PCYT2: variants seen among roughly 807,000 people sequenced by gnomAD.
The protein encoded by PCYT2 is phosphate cytidylyltransferase 2, ethanolamine.
A neutral mutation model predicts 50.0 loss-of-function variants in PCYT2; 33 were observed. The ratio of observed to expected loss-of-function variants is 0.66; its 90% CI spans 0.50 to 0.88. PCYT2 has a LOEUF of 0.88. Among genes scored for constraint, PCYT2 ranks in the 40% least tolerant of loss-of-function variants. PCYT2 has a pLI of 0.00. For synonymous variants in PCYT2, 240 were observed against 203.7 expected, an observed-to-expected ratio of 1.18 and a Z score of -1.52; for missense variants, 430 against 519.7, an observed-to-expected ratio of 0.83 and a Z score of 1.68.
chr17:81,908,444 G>A (rs866745644), intron 4 of PCYT2, 124 bp downstream of exon 4: 81 of 703,810 alleles, frequency 1.2e-4, no homozygotes, highest in Admixed American at 1.1e-3. Flanking sequence ...AGTCCTGGGC[G>A]TGAGGAACAT....
At chr17:81,908,768 C>G (rs2040419770) in intron 3 of PCYT2, 108 bp downstream of exon 3, 8 of 1,355,052 alleles carry the variant, frequency 5.9e-6, no homozygotes, top group South Asian at 1.2e-5. Context: ...GGAAATGTCT[C>G]AGATCCTCAA....
intron 1 of PCYT2, chr17:81,910,775 T>G: frequency 1.7e-6 from 1 of 571,900 alleles, no homozygotes; most frequent in Non-Finnish European, 2.2e-6. Context: ...CCCGAAACTT[T>G]TCTTAAAACA....
intron 9 of PCYT2, 170 bp downstream of exon 9, chr17:81,905,930 T>C: frequency 1.3e-6 from 1 of 741,938 alleles, no homozygotes; most frequent in Non-Finnish European, 2.3e-6. Context: ...TGACCACCCC[T>C]CCTCATGCCT....
At chr17:81,908,846 A>C (rs764160751) in intron 3 of PCYT2, 30 bp downstream of exon 3, 1 of 1,588,162 alleles carries the variant, frequency 6.3e-7, no homozygotes, top group South Asian at 1.1e-5. Flanking sequence ...TGATGTCCCC[A>C]GGCCCCCAGG....
At chr17:81,907,974 A>T in intron 4 of PCYT2, 117 bp from the exon 5 acceptor site, 1 of 806,572 alleles carries the variant, frequency 1.2e-6, no homozygotes, top group Non-Finnish European at 2.0e-6. Context: ...GGCTGCCCCA[A>T]AGACTGAGGG....
chr17:81,909,653 G>C (rs113188328), intron 1 of PCYT2, 51 bp from the exon 2 acceptor site: 7 of 1,412,888 alleles, frequency 5.0e-6, no homozygotes, highest in African/African-American at 4.2e-5. Context: ...TGGGGACCAG[G>C]TGTCCCTGTG....
Position 81,911,369 on chromosome 17 carries a change from C to T in PCYT2, c.-14G>A. The T allele has an allele frequency of 1.9e-6, 2 of 1,044,992 alleles. No homozygotes were observed. The highest frequency in any genetic ancestry group is 2.3e-6 in the Non-Finnish European group (2 of 869,124). The allele number at this position is 1,044,992 out of a possible 1,614,324, so 64.7% of individuals were successfully genotyped here. ...GTTCCGGATCATGGCCCCGCAGCGGCGGCGCGGACAGCCTGGCAGCTCCCG... is the reference window on the plus strand; with the variant it reads ...GTTCCGGATCATGGCCCCGCAGCGGTGGCGCGGACAGCCTGGCAGCTCCCG... On this transcript the variant is annotated 5_prime_UTR_variant, in exon 1 of 13. Transcript: ENST00000538936.
At position 81,906,515 on chromosome 17, in the gene PCYT2, C is replaced by T. The variant is rs752450064; in HGVS notation, c.708G>A (p.Val236=). The T allele has an allele frequency of 1.2e-5, 19 of 1,613,540 alleles. No individual in the cohort carries two copies. The highest frequency in any genetic ancestry group is 1.5e-5 in the Non-Finnish European group (18 of 1,179,950). The change falls in exon 8 of 13, where the codon GTG becomes GTA. Residue 236 remains valine (V), a synonymous_variant. Transcript: ENST00000538936. ...TGTAGGGCCTCTCTGCCAGCCTGTG[C>T]ACCTTCTCCAGGAAGTCCACATGCC... ...HIGHVDFLEK[V]HRLAERPYII...
rs925001654 is a variant in PCYT2 at position 81,902,373 on chromosome 17, C to T, written c.*2460G>A. 25 of 1,342,308 alleles carry T rather than the reference C, an allele frequency of 1.9e-5. No individual in the cohort carries two copies. Among genetic ancestry groups the T allele is most frequent in the Non-Finnish European group, 2.4e-5 (25 of 1,054,802 alleles). 83.1% of individuals were successfully genotyped at this position (1,342,308 alleles called of 1,614,324 possible). A position where few individuals can be genotyped will look rare whatever the true frequency, so the allele number is the denominator to read the frequency against. Reference sequence around the variant, plus strand: ...CGTGGTACAAGCCAGCGGCGGGGCACAGCTCCTACTCGGTGGGCCGCGCCG... The same window carrying T: ...CGTGGTACAAGCCAGCGGCGGGGCATAGCTCCTACTCGGTGGGCCGCGCCG... On this transcript the variant is annotated 3_prime_UTR_variant, in exon 13 of 13. Coordinates refer to ENST00000538936, the MANE Select transcript of PCYT2 (RefSeq NM_002861.5).
chr17:81,908,754 G>A lies in PCYT2; in HGVS notation c.341-120C>T. Reference sequence around the variant, plus strand: ...TCCGCGTGCCCATTTCTAGGTGGGGGCCCGGAAATGTCTCAGATCCTCAAA... The same window carrying A: ...TCCGCGTGCCCATTTCTAGGTGGGGACCCGGAAATGTCTCAGATCCTCAAA... On this transcript the variant is annotated intron_variant, in intron 3 of 12. Coordinates refer to ENST00000538936, the MANE Select transcript of PCYT2 (RefSeq NM_002861.5). 7 of 1,311,562 alleles carry A rather than the reference G, an allele frequency of 5.3e-6. No homozygotes were observed. In the East Asian group the frequency reaches 1.6e-4, roughly 30 times the overall value. 81.2% of individuals were successfully genotyped at this position (1,311,562 alleles called of 1,614,324 possible). A position where few individuals can be genotyped will look rare whatever the true frequency, so the allele number is the denominator to read the frequency against.
At position 81,902,131 on chromosome 17, in the gene PCYT2, CCG is replaced by C; in HGVS notation, c.*2700_*2701del. 1.4e-6 allele frequency: 1 copy of C among 713,562 alleles called. No individual in the cohort carries two copies. The highest frequency in any genetic ancestry group is 1.9e-6 in the Non-Finnish European group (1 of 533,924). 44.2% of individuals were successfully genotyped at this position (713,562 alleles called of 1,614,324 possible). A position where few individuals can be genotyped will look rare whatever the true frequency, so the allele number is the denominator to read the frequency against. ...GGGATGCGGAGGTGCGACGGCTCCT[CCG>C]CGCGCGCCCGCTGCACCCCAGCCCG... is the stretch of plus-strand genomic sequence containing the variant. On this transcript the variant is annotated 3_prime_UTR_variant, in exon 13 of 13. Transcript: ENST00000538936.
intron 10 of PCYT2, 25 bp from the exon 11 acceptor site, chr17:81,905,472 C>T: frequency 6.4e-7 from 1 of 1,559,230 alleles, no homozygotes; most frequent in Non-Finnish European, 8.7e-7. Flanking sequence ...GGGTCAGGAG[C>T]CCTCCCCGGG....
chr17:81,902,920 A>G lies in PCYT2; in HGVS notation c.*1913T>C. 1 of 584,694 alleles carries G rather than the reference A, an allele frequency of 1.7e-6. No individual in the cohort carries two copies. Among genetic ancestry groups the G allele is most frequent in the Non-Finnish European group, 2.8e-6 (1 of 353,458 alleles). The allele number at this position is 584,694 out of a possible 1,614,324, so 36.2% of individuals were successfully genotyped here. ...GCGGCCTCGGAGTGAGGGGTGCTGG[A>G]GGACTGGCAGCCAGGCCACGAGGGG... On this transcript the variant is annotated 3_prime_UTR_variant, in exon 13 of 13. Transcript: ENST00000538936.
chr17:81,902,191 G>A lies in PCYT2; in HGVS notation c.*2642C>T. On this transcript the variant is annotated 3_prime_UTR_variant, in exon 13 of 13. Transcript: ENST00000538936. Reference sequence around the variant, plus strand: ...CCCCTCCCGGCCCTCCGCAGCCTCGGCCCGCCCTCGCCGCAGATATAAGGC... The same window carrying A: ...CCCCTCCCGGCCCTCCGCAGCCTCGACCCGCCCTCGCCGCAGATATAAGGC... The A allele has an allele frequency of 8.5e-7, 1 of 1,169,772 alleles. No individual in the cohort carries two copies. The highest frequency in any genetic ancestry group is 1.1e-6 in the Non-Finnish European group (1 of 941,210). The allele number at this position is 1,169,772 out of a possible 1,614,324, so 72.5% of individuals were successfully genotyped here. A position where few individuals can be genotyped will look rare whatever the true frequency, so the allele number is the denominator to read the frequency against.
intron 11 of PCYT2, 77 bp downstream of exon 11, chr17:81,905,305 C>T (rs1349051242): frequency 1.4e-6 from 2 of 1,404,882 alleles, no homozygotes; most frequent in South Asian, 1.2e-5. Flanking sequence ...GTTTCCCAGG[C>T]AGGCACAGTG....
At position 81,902,132 on chromosome 17, in the gene PCYT2, C is replaced by T. The variant is rs2039974542; in HGVS notation, c.*2701G>A. 2 of 721,490 alleles carry T rather than the reference C, an allele frequency of 2.8e-6. No homozygotes were observed. The highest frequency in any genetic ancestry group is 3.7e-6 in the Non-Finnish European group (2 of 541,226). The allele number at this position is 721,490 out of a possible 1,614,324, so 44.7% of individuals were successfully genotyped here. On this transcript the variant is annotated 3_prime_UTR_variant, in exon 13 of 13. Coordinates refer to ENST00000538936, the MANE Select transcript of PCYT2 (RefSeq NM_002861.5). The stretch of plus-strand genomic sequence containing the variant: ...GGATGCGGAGGTGCGACGGCTCCTC[C>T]GCGCGCGCCCGCTGCACCCCAGCCC...
At chr17:81,909,156 C>G in intron 2 of PCYT2, 119 bp from the exon 3 acceptor site, 1 of 1,503,252 alleles carries the variant, frequency 6.7e-7, no homozygotes, top group Non-Finnish European at 8.8e-7. Context: ...CAGGCTGTCT[C>G]TCTACCCTGG....
intron 4 of PCYT2, 34 bp downstream of exon 4, chr17:81,908,520 GCCCCGTGTCCAGCT>G (rs1405027516): frequency 1.4e-6 from 2 of 1,429,992 alleles, no homozygotes; most frequent in East Asian, 4.6e-5. Context: ...CCAGGAGGGA[GCCCCGTGTCCAGCT>G]CCCTGGATGG....
chr17:81,902,385 G>C lies in PCYT2; in HGVS notation c.*2448C>G, dbSNP rs914061008. Reference sequence around the variant, plus strand: ...CAGCGGCGGGGCACAGCTCCTACTCGGTGGGCCGCGCCGCGGGGCTGCTGT... The same window carrying C: ...CAGCGGCGGGGCACAGCTCCTACTCCGTGGGCCGCGCCGCGGGGCTGCTGT... On this transcript the variant is annotated 3_prime_UTR_variant, in exon 13 of 13. Transcript: ENST00000538936. 8.3e-5 allele frequency: 112 copies of C among 1,342,060 alleles called. No individual in the cohort carries two copies. In the African/African-American group the frequency reaches 1.5e-3, roughly 18 times the overall value. The allele number at this position is 1,342,060 out of a possible 1,614,324, so 83.1% of individuals were successfully genotyped here. A position where few individuals can be genotyped will look rare whatever the true frequency, so the allele number is the denominator to read the frequency against.
Sources: gnomAD v4.1 joint callset for allele counts on GRCh38, gnomAD v4.1.1 for gene constraint, MANE v1.5 for transcripts, NCBI Gene and HGNC (gene_info 2026-07-23, HGNC 2026-07-21) for gene names.